Variants in ACO1 observed in about 807,000 individuals in gnomAD.
ACO1 encodes cytoplasmic aconitate hydratase.
Under a neutral mutation model 105.1 loss-of-function variants are expected in ACO1, and 78 were observed. That is an observed-to-expected ratio of 0.74 (90% CI 0.62 to 0.90). The LOEUF (loss-of-function observed/expected upper bound fraction) is 0.90. Ranked by LOEUF, ACO1 falls within the 40% of genes least tolerant of loss-of-function variation. ACO1 has a pLI of 0.00. For missense variants in ACO1, 965 were observed against 1,111.1 expected (o/e 0.87, Z 1.87); for synonymous variants, 364 against 397.4 (o/e 0.92, Z 1.00).
Position 32,436,285 on chromosome 9 carries a change from G to A in ACO1, c.2135G>A (p.Arg712His), listed in dbSNP as rs376485136. The A allele has an allele frequency of 7.4e-6, 12 of 1,613,908 alleles. No homozygotes were observed. The highest frequency in any genetic ancestry group is 9.3e-6 in the Non-Finnish European group (11 of 1,180,006). ...CGAGAATTCAACTCCTATGGCTCCC[G>A]CCGAGGTAATGACGCCGTCATGGCA... ...TPREFNSYGS[R>H]RGNDAVMARG... Residue 712 changes from arginine to histidine, a missense_variant, in exon 18 of 21, where the codon CGC (arginine) becomes CAC (histidine). Transcript: ENST00000309951.
In ACO1 at chr9:32,430,535, G is replaced by T. The variant is rs1329809751; in HGVS notation, c.1687G>T (p.Ala563Ser). The T allele has an allele frequency of 5.0e-6, 8 of 1,608,360 alleles. No individual in the cohort carries two copies. The highest frequency in any genetic ancestry group is 5.1e-6 in the Non-Finnish European group (6 of 1,177,718). ...CCCCTTAGTAATAGCATATGCAATT[G>T]CTGGAACCATCAGAATCGACTTTGA... The part of the protein sequence containing the change: ...SPPLVIAYAI[A>S]GTIRIDFEKE... Residue 563 changes from alanine (A) to serine (S), a missense_variant, in exon 14 of 21, where the codon GCT becomes TCT. Transcript: ENST00000309951.
intron 15 of ACO1, among the ~76,000 whole-genome samples, chr9:32,432,865 C>G (rs1204233475): frequency 6.6e-6 from 1 of 152,136 alleles, no homozygotes. Flanking sequence ...CACAGGGTTC[C>G]AGTAAGATGT....
chr9:32,405,434 A>G (rs1821588256), intron 1 of ACO1, 51 bp from the exon 2 acceptor site: 14 of 1,088,422 alleles, frequency 1.3e-5, no homozygotes, highest in Non-Finnish European at 1.8e-5. Context: ...CCTGATTTCT[A>G]GGTCCCAGAC....
intron 1 of ACO1, chr9:32,386,408 C>T (rs771421247): frequency 5.9e-5 from 9 of 152,170 alleles, no homozygotes; most frequent in Non-Finnish European, 8.8e-5. Flanking sequence ...CAGCCCCTGT[C>T]AAAAAGCAGT....
At chr9:32,414,578 A>G (rs1821809432) in intron 4 of ACO1, among the ~76,000 whole-genome samples, 1 of 152,144 alleles carries the variant, frequency 6.6e-6, no homozygotes, top group East Asian at 1.9e-4. Flanking sequence ...ACTTCCATCA[A>G]ACTGATACCC....
intron 17 of ACO1, 146 bp downstream of exon 17, chr9:32,434,847 C>T: frequency 1.1e-6 from 1 of 909,584 alleles, no homozygotes; most frequent in Non-Finnish European, 1.6e-6. Flanking sequence ...AAACCAATTG[C>T]ATTTTCTGTT....
intron 1 of ACO1, among the ~76,000 whole-genome samples, chr9:32,404,946 A>G (rs68132160): frequency 0.26 from 39,129 of 152,092 alleles, 5,404 homozygotes; most frequent in East Asian, 0.47. Context: ...GGCCTAGGGT[A>G]TATACCTTTA....
chr9:32,411,964 C>G (rs1316708691), intron 4 of ACO1, among the ~76,000 whole-genome samples: 7 of 152,164 alleles, frequency 4.6e-5, no homozygotes, highest in African/African-American at 1.7e-4. Flanking sequence ...GCCTTGACCT[C>G]CTGGGCTTAA....
rs1205909440 is a variant in ACO1, at chr9:32,420,974, C to T, written c.917C>T (p.Thr306Ile). 1.2e-6 allele frequency: 2 copies of T among 1,614,126 alleles called. No individual in the cohort carries two copies. Among genetic ancestry groups the T allele is most frequent in the South Asian group, 2.2e-5 (2 of 91,072 alleles). Residue 306 changes from threonine (T) to isoleucine (I), a missense_variant, in exon 8 of 21, where the codon ACT becomes ATT. Transcript: ENST00000309951. ...IANMCPEYGA[T>I]AAFFPVDEVS... ...AACATGTGTCCAGAGTACGGAGCAACTGCTGCCTTTTTCCCAGTTGATGAA... is the reference window on the plus strand; with the variant it reads ...AACATGTGTCCAGAGTACGGAGCAATTGCTGCCTTTTTCCCAGTTGATGAA...
chr9:32,443,082 T>A (rs58627190), intron 19 of ACO1, among the ~76,000 whole-genome samples: 3,338 of 152,258 alleles, frequency 0.022, 92 homozygotes, highest in African/African-American at 0.069. Context: ...TTTTTAACAA[T>A]CACCGGCTCA....
intron 1 of ACO1, among the ~76,000 whole-genome samples, chr9:32,391,894 A>G (rs922950546): frequency 2.0e-5 from 3 of 152,348 alleles, no homozygotes; most frequent in Non-Finnish European, 4.4e-5. Flanking sequence ...ACAATTTTGT[A>G]TTAACGGCAG....
At chr9:32,411,509 T>C (rs1385407201) in intron 4 of ACO1, among the ~76,000 whole-genome samples, 1 of 152,106 alleles carries the variant, frequency 6.6e-6, no homozygotes, top group African/African-American at 2.4e-5. Context: ...AAAGTGTTAA[T>C]ATACTTAATA....
chr9:32,404,332 C>T (rs900399136), intron 1 of ACO1, among the ~76,000 whole-genome samples: 6 of 152,262 alleles, frequency 3.9e-5, no homozygotes, highest in South Asian at 2.1e-4. Flanking sequence ...TTAATCCCTC[C>T]GCCCCTTTTT....
chr9:32,449,960 A>G, intron 20 of ACO1, 38 bp from the exon 21 acceptor site: 1 of 1,555,586 alleles, frequency 6.4e-7, no homozygotes, highest in Non-Finnish European at 8.9e-7. Context: ...CTGTCTCGCC[A>G]CCTCCCTCAA....
chr9:32,390,750 G>C (rs62571707), intron 1 of ACO1, among the ~76,000 whole-genome samples: 24,444 of 152,110 alleles, frequency 0.16, 2,236 homozygotes, highest in South Asian at 0.29. Context: ...GGTGAAAAGA[G>C]TCTTAAATTT....
chr9:32,399,893 GT>G (rs1206404285), intron 1 of ACO1, among the ~76,000 whole-genome samples: 1 of 140,204 alleles, frequency 7.1e-6, no homozygotes, highest in African/African-American at 2.7e-5. Context: ...ATTTTATTTT[GT>G]TCTTTTTGCT....
chr9:32,442,494 A>G (rs10511906), intron 19 of ACO1, among the ~76,000 whole-genome samples: 46,437 of 152,024 alleles, frequency 0.31, 7,619 homozygotes, highest in East Asian at 0.52. Context: ...ATGGAGTACC[A>G]TCCTTTATTG....
chr9:32,449,954 C>G, intron 20 of ACO1, 44 bp from the exon 21 acceptor site: 1 of 1,536,782 alleles, frequency 6.5e-7, no homozygotes, highest in Non-Finnish European at 9.0e-7. Context: ...GCAGAGCTGT[C>G]TCGCCACCTC....
rs188883441 is a variant in ACO1, at chr9:32,440,033, G to A, written c.2248-432G>A. 1.4e-4 allele frequency among the ~76,000 whole-genome samples: 21 copies of A among 152,272 alleles called. 1 individual carries two copies. In the East Asian group the frequency reaches 2.9e-3, roughly 21 times the overall value. ...TGTAATCCCAGCACTTTGGGAGGCC[G>A]AGGTGGGAGGATCACTTGAGGTCAG... On this transcript the variant is annotated intron_variant, in intron 18 of 20. Coordinates refer to ENST00000309951, the MANE Select transcript of ACO1 (RefSeq NM_002197.3).
Sources: gnomAD v4.1 joint callset for allele counts (sites outside exome capture counted in the v4.1 genomes callset) on GRCh38, gnomAD v4.1.1 for gene constraint, MANE v1.5 for transcripts, NCBI Gene and HGNC (gene_info 2026-07-23, HGNC 2026-07-21) for gene names.